SCUBE1: variants seen among roughly 807,000 people sequenced by gnomAD.
SCUBE1 encodes signal peptide, CUB domain and EGF like domain containing 1, also known as signal peptide, CUB and EGF-like domain-containing protein 1.
In SCUBE1, 59 loss-of-function variants were observed where a neutral mutation model predicts 124.4. The ratio of observed to expected loss-of-function variants is 0.47; its 90% confidence interval spans 0.38 to 0.59. SCUBE1 has a LOEUF of 0.59. SCUBE1 is among the 20% of genes least tolerant of loss of function. SCUBE1 has a pLI of 0.00. For synonymous variants in SCUBE1, 545 were observed against 550.9 expected (o/e 0.99, Z 0.15); for missense variants, 1,150 against 1,371.2 (o/e 0.84, Z 2.55).
At chr22:43,288,047 T>C (rs532445897) in intron 4 of SCUBE1, among the ~76,000 whole-genome samples, 54 of 152,306 alleles carry the variant, frequency 3.5e-4, no homozygotes, top group African/African-American at 1.2e-3. Context: ...TCGAGAGCAA[T>C]CTGATAAGTT....
chr22:43,316,024 G>T (rs1222903732), intron 3 of SCUBE1, among the ~76,000 whole-genome samples: 1 of 152,156 alleles, frequency 6.6e-6, no homozygotes, highest in Non-Finnish European at 1.5e-5. Context: ...GGTGGGGACT[G>T]GTCCCCACGA....
Position 43,330,443 on chromosome 22 carries a change from T to C in SCUBE1, c.220+8661A>G, listed in dbSNP as rs528783657. On this transcript the variant is annotated intron_variant, in intron 2 of 21. Transcript: ENST00000360835. ...TATACACTTTCTCTACTTCATCCTG[T>C]CTTGTTTGTATTTTCATTGCTGCAC... 4.6e-5 allele frequency among the ~76,000 whole-genome samples: 7 copies of C among 152,314 alleles called. No individual in the cohort carries two copies. The South Asian group carries it at 1.4e-3, about 32-fold the overall frequency.
Position 43,258,390 on chromosome 22 carries a change from T to G in SCUBE1, c.611-55A>C. The G allele has an allele frequency of 5.2e-6, 7 of 1,350,892 alleles. No individual in the cohort carries two copies. Among genetic ancestry groups the G allele is most frequent in the Non-Finnish European group, 7.4e-6 (7 of 940,448 alleles). 83.7% of individuals were successfully genotyped at this position (1,350,892 alleles called of 1,614,324 possible). A position where few individuals can be genotyped will look rare whatever the true frequency, so the allele number is the denominator to read the frequency against. ...GTATAAACAGAACAACAAAAACGGT[T>G]AGTTTGCCGGTGTTGGCGGCTGCCT... On this transcript the variant is annotated intron_variant, in intron 5 of 21. Coordinates refer to ENST00000360835, the MANE Select transcript of SCUBE1 (RefSeq NM_173050.5). The surrounding 1 kb of genome is among the most constrained non-coding windows in gnomAD (Gnocchi z 5.0).
At chr22:43,298,314 G>T (rs998385897) in intron 3 of SCUBE1, among the ~76,000 whole-genome samples, 2 of 152,188 alleles carry the variant, frequency 1.3e-5, no homozygotes, top group African/African-American at 2.4e-5. Flanking sequence ...TTCCTGGTCT[G>T]GGCATCAGCT....
rs563042345 is a variant in SCUBE1, at chr22:43,207,585, G to A, written c.2763C>T (p.Ile921=). 30 of 1,614,070 alleles carry A rather than the reference G, an allele frequency of 1.9e-5. No homozygotes were observed. The East Asian group carries it at 5.1e-4, about 28-fold the overall frequency. ...DEDYQQLIED[I]VRDGRLYASE... is the part of the protein sequence containing the mutation. Reference sequence around the variant, plus strand: ...AGGCGTACAGGCGCCCATCGCGCACGATGTCCTCTATGAGTTGCTGGTAGT... The same window carrying A: ...AGGCGTACAGGCGCCCATCGCGCACAATGTCCTCTATGAGTTGCTGGTAGT... Residue 921 remains isoleucine (I), a synonymous_variant, in exon 21 of 22, where the codon ATC becomes ATT. Coordinates refer to ENST00000360835, the MANE Select transcript of SCUBE1 (RefSeq NM_173050.5).
chr22:43,337,788 T>C (rs1279748530), intron 2 of SCUBE1, among the ~76,000 whole-genome samples: 2 of 152,222 alleles, frequency 1.3e-5, no homozygotes, highest in Non-Finnish European at 2.9e-5. Context: ...ACTCTAGCCC[T>C]GTAAACGCCT....
chr22:43,281,434 C>CTTGGCCACCCTCCTGTCACCTCCCTCT (rs1924848017), intron 4 of SCUBE1, among the ~76,000 whole-genome samples: 1 of 89,546 alleles, frequency 1.1e-5, no homozygotes, highest in Non-Finnish European at 1.9e-5. Flanking sequence ...TGTCACCTCC[C>CTTGGCCACCCTCCTGTCACCTCCCTCT]TTGGCCACCC....
At chr22:43,335,704 G>A (rs1927040962) in intron 2 of SCUBE1, among the ~76,000 whole-genome samples, 1 of 151,774 alleles carries the variant, frequency 6.6e-6, no homozygotes. Context: ...AGTCTCATTT[G>A]AGCCTGAAAC....
At chr22:43,233,635 C>T (rs1922645470) in intron 7 of SCUBE1, 1 of 152,226 alleles carries the variant, frequency 6.6e-6, no homozygotes, top group Non-Finnish European at 1.5e-5. Context: ...GTAAGTCTGC[C>T]CCCACTTTAA....
chr22:43,207,066 G>A (rs540337396), intron 21 of SCUBE1, among the ~76,000 whole-genome samples: 2 of 152,302 alleles, frequency 1.3e-5, no homozygotes, highest in African/African-American at 4.8e-5. Flanking sequence ...TGGGTCCCCA[G>A]GCCTCTGGCC....
chr22:43,319,701 C>G (rs77396643), intron 3 of SCUBE1, among the ~76,000 whole-genome samples: 1 of 152,060 alleles, frequency 6.6e-6, no homozygotes. Flanking sequence ...GCGGGCCCTC[C>G]GAAAAACCAA....
chr22:43,307,864 G>C (rs755119904), intron 3 of SCUBE1, among the ~76,000 whole-genome samples: 1 of 152,228 alleles, frequency 6.6e-6, no homozygotes, highest in Non-Finnish European at 1.5e-5. Flanking sequence ...CATTTCCCAA[G>C]GTCTCCCAGC....
chr22:43,214,828 C>G lies in SCUBE1; in HGVS notation c.1892-577G>C, dbSNP rs188451194. On this transcript the variant is annotated intron_variant, in intron 15 of 21. Transcript: ENST00000360835. ...GTCGACTGATGAGTAAGTAAGGAAA[C>G]TGAGTAAATCAGTAAATTCAGGAGA... is the stretch of plus-strand genomic sequence containing the variant. Among the ~76,000 whole-genome samples the G allele has an allele frequency of 3.7e-3, 569 of 152,296 alleles. 5 individuals are homozygous for G. Among genetic ancestry groups the G allele is most frequent in the Non-Finnish European group, 5.5e-3 (371 of 68,022 alleles).
chr22:43,240,349 AGT>A (rs1922955148), intron 6 of SCUBE1, among the ~76,000 whole-genome samples: 2 of 152,170 alleles, frequency 1.3e-5, no homozygotes. Flanking sequence ...CTGCCATGGC[AGT>A]GTGCTGGTCC....
At position 43,312,179 on chromosome 22, in the gene SCUBE1, A is replaced by T. The variant is rs149145896; in HGVS notation, c.349+7758T>A. 4.1e-3 allele frequency among the ~76,000 whole-genome samples: 622 copies of T among 152,348 alleles called. 9 individuals are homozygous for T. In the South Asian group the frequency reaches 0.059, roughly 14 times the overall value. Reference sequence around the variant, plus strand: ...CATTTATTCTACAAATATTTACTAAATGCCTACAATATATCTGACACTGCA... The same window carrying T: ...CATTTATTCTACAAATATTTACTAATTGCCTACAATATATCTGACACTGCA... On this transcript the variant is annotated intron_variant, in intron 3 of 21. Transcript: ENST00000360835.
At chr22:43,225,718 G>A (rs1922276554) in intron 10 of SCUBE1, among the ~76,000 whole-genome samples, 1 of 151,936 alleles carries the variant, frequency 6.6e-6, no homozygotes, top group Admixed American at 6.6e-5. Flanking sequence ...TTCTTTCTGA[G>A]AAACTAAATG....
intron 6 of SCUBE1, among the ~76,000 whole-genome samples, chr22:43,246,407 C>T (rs1021436540): frequency 2.6e-5 from 4 of 152,168 alleles, no homozygotes; most frequent in Admixed American, 1.3e-4. Context: ...CAGTGCTCTT[C>T]CGTGCACCAG....
chr22:43,212,683 C>A (rs762190721), intron 16 of SCUBE1, 91 bp from the exon 17 acceptor site: 2 of 1,402,880 alleles, frequency 1.4e-6, no homozygotes, highest in Non-Finnish European at 1.9e-6. Context: ...TGGCCCTTGC[C>A]CGGCCCTGGA....
intron 3 of SCUBE1, among the ~76,000 whole-genome samples, chr22:43,299,006 G>A (rs1601871413): frequency 6.7e-6 from 1 of 149,472 alleles, no homozygotes; most frequent in Non-Finnish European, 1.5e-5. Context: ...GAGCCAGACC[G>A]CACCACTGCA....
Sources: allele counts gnomAD v4.1 joint callset (sites outside exome capture counted in the v4.1 genomes callset), GRCh38; gene constraint gnomAD v4.1.1; non-coding constraint Gnocchi (gnomAD v3.1); transcripts MANE v1.5; gene names NCBI Gene and HGNC (gene_info 2026-07-23, HGNC 2026-07-21).